The following PDGFRL variants were observed in gnomAD, a reference collection of about 807,000 sequenced individuals.
The protein encoded by PDGFRL is platelet derived growth factor receptor like, also known as platelet-derived growth factor receptor-like protein.
A neutral mutation model predicts 37.2 loss-of-function variants in PDGFRL; 46 were observed. That is an observed-to-expected ratio of 1.24 (90% CI 0.98 to 1.58). The LOEUF (loss-of-function observed/expected upper bound fraction) is 1.58, where lower values mean the gene tolerates loss of function less well. Among genes scored for constraint, PDGFRL ranks in the 40% most tolerant of loss-of-function variants. The pLI, the probability that PDGFRL is intolerant of heterozygous loss-of-function variation, is 0.00. For synonymous variants in PDGFRL, 251 were observed against 184.3 expected (o/e 1.36, Z -2.93); for missense variants, 692 against 467.6 (o/e 1.48, Z -4.43).
At chr8:17,628,285 C>T (rs144442589) in intron 3 of PDGFRL, among the ~76,000 whole-genome samples, 1,581 of 152,168 alleles carry the variant, frequency 0.01, 34 homozygotes, top group African/African-American at 0.035. Flanking sequence ...TGAGCTACCG[C>T]GCCCAGCCTT....
At chr8:17,625,868 G>A (rs1032188907) in intron 3 of PDGFRL, among the ~76,000 whole-genome samples, 64 of 152,142 alleles carry the variant, frequency 4.2e-4, no homozygotes, top group African/African-American at 1.4e-3. Context: ...GGTGGCACGT[G>A]CCTGTAGTCC....
chr8:17,607,416 C>A (rs1481430720), intron 2 of PDGFRL, among the ~76,000 whole-genome samples: 4 of 151,996 alleles, frequency 2.6e-5, no homozygotes, highest in African/African-American at 9.7e-5. Flanking sequence ...AAAAAAACAA[C>A]AAAAAAAGTT....
intron 1 of PDGFRL, among the ~76,000 whole-genome samples, chr8:17,582,782 T>C (rs1490955227): frequency 2.6e-5 from 4 of 152,052 alleles, no homozygotes; most frequent in Non-Finnish European, 5.9e-5. Context: ...ATCATGCTAG[T>C]AGCTAAGAAA....
At chr8:17,593,882 C>G (rs1178920161) in intron 2 of PDGFRL, among the ~76,000 whole-genome samples, 1 of 115,280 alleles carries the variant, frequency 8.7e-6, no homozygotes, top group East Asian at 2.7e-4. Context: ...GAGTGAAACT[C>G]CATCTCAAAA....
At chr8:17,610,908 C>CA (rs1031743758) in intron 2 of PDGFRL, among the ~76,000 whole-genome samples, 3 of 149,370 alleles carry the variant, frequency 2.0e-5, no homozygotes, top group Non-Finnish European at 3.0e-5. Context: ...GATTCCGTCT[C>CA]AAAAAAAATT....
intron 5 of PDGFRL, among the ~76,000 whole-genome samples, chr8:17,636,496 C>G (rs937105360): frequency 6.6e-6 from 1 of 151,060 alleles, no homozygotes; most frequent in Non-Finnish European, 1.5e-5. Flanking sequence ...CAGTACCATG[C>G]TGTTTTGGTG....
intron 5 of PDGFRL, among the ~76,000 whole-genome samples, chr8:17,641,575 G>A (rs544294016): frequency 4.6e-5 from 7 of 152,280 alleles, no homozygotes; most frequent in African/African-American, 7.2e-5. Flanking sequence ...CATAGACCAC[G>A]CCAAAAAGGT....
intron 2 of PDGFRL, among the ~76,000 whole-genome samples, chr8:17,607,561 C>G (rs1036486917): frequency 1.3e-5 from 2 of 152,178 alleles, no homozygotes; most frequent in Non-Finnish European, 2.9e-5. Context: ...ACCAAAGACA[C>G]TGTAGGAATA....
chr8:17,612,930 AT>A (rs902327423), intron 2 of PDGFRL, among the ~76,000 whole-genome samples: 30 of 152,134 alleles, frequency 2.0e-4, no homozygotes, highest in African/African-American at 5.6e-4. Context: ...CTCTTTTATG[AT>A]TAACTTTTCC....
intron 5 of PDGFRL, among the ~76,000 whole-genome samples, chr8:17,639,393 A>G (rs1805045839): frequency 6.6e-6 from 1 of 152,018 alleles, no homozygotes; most frequent in African/African-American, 2.4e-5. Context: ...TGCTTTAAGA[A>G]GGTTCTATTT....
intron 5 of PDGFRL, among the ~76,000 whole-genome samples, chr8:17,634,767 A>G (rs1409801218): frequency 2.0e-5 from 3 of 152,128 alleles, no homozygotes; most frequent in Admixed American, 6.5e-5. Flanking sequence ...GAGCTAAATG[A>G]TTAGACTACA....
intron 3 of PDGFRL, among the ~76,000 whole-genome samples, chr8:17,623,103 T>C (rs1804664710): frequency 1.3e-5 from 2 of 152,288 alleles, no homozygotes; most frequent in East Asian, 1.9e-4. Flanking sequence ...TATTTTATTA[T>C]CTCCAAAATA....
chr8:17,579,695 G>A (rs1186424933), intron 1 of PDGFRL, among the ~76,000 whole-genome samples: 1 of 151,916 alleles, frequency 6.6e-6, no homozygotes, highest in East Asian at 1.9e-4. Flanking sequence ...AGCCTTCTAA[G>A]AGGAAAAGAC....
At chr8:17,641,603 A>G (rs1447937886) in intron 5 of PDGFRL, among the ~76,000 whole-genome samples, 1 of 152,214 alleles carries the variant, frequency 6.6e-6, no homozygotes, top group Admixed American at 6.5e-5. Flanking sequence ...GGCCAGAGAT[A>G]ATTTTAAAGT....
At chr8:17,605,542 C>T (rs1804255847) in intron 2 of PDGFRL, among the ~76,000 whole-genome samples, 1 of 152,134 alleles carries the variant, frequency 6.6e-6, no homozygotes, top group African/African-American at 2.4e-5. Flanking sequence ...CCAGAGAATT[C>T]TTGGCACCGC....
intron 3 of PDGFRL, among the ~76,000 whole-genome samples, chr8:17,623,329 T>C (rs1408634273): frequency 6.6e-6 from 1 of 152,256 alleles, no homozygotes; most frequent in Non-Finnish European, 1.5e-5. Flanking sequence ...GCAATCTCTT[T>C]GGATCTTCAT....
chr8:17,611,206 GAT>G, intron 2 of PDGFRL, among the ~76,000 whole-genome samples: 2 of 152,314 alleles, frequency 1.3e-5, no homozygotes, highest in East Asian at 3.9e-4. Flanking sequence ...CATCCAACCA[GAT>G]GATCTTTAAG....
At chr8:17,622,497 T>G (rs1038429157) in intron 3 of PDGFRL, among the ~76,000 whole-genome samples, 1 of 152,218 alleles carries the variant, frequency 6.6e-6, no homozygotes, top group African/African-American at 2.4e-5. Flanking sequence ...TACAATCTTA[T>G]GTATTTGTCC....
rs143149598 is a variant in PDGFRL at position 17,635,058 on chromosome 8, T to C, written c.939+845T>C. On this transcript the variant is annotated intron_variant, in intron 5 of 5. Coordinates refer to ENST00000251630, the MANE Select transcript of PDGFRL (RefSeq NM_001372073.1). ...TCCTGCCCCCACCTCAGTCTTTCAA[T>C]CCCATCTTCTGGGCCAACTAGAGTC... Among the ~76,000 whole-genome samples the C allele has an allele frequency of 2.8e-4, 43 of 152,296 alleles. No homozygotes were observed. The East Asian group carries it at 5.0e-3, about 18-fold the overall frequency.
Sources: gnomAD v4.1 joint callset for allele counts (sites outside exome capture counted in the v4.1 genomes callset) on GRCh38, gnomAD v4.1.1 for gene constraint, MANE v1.5 for transcripts, NCBI Gene and HGNC (gene_info 2026-07-23, HGNC 2026-07-21) for gene names.